Variants in KIF14 observed in about 807,000 individuals in gnomAD.
The protein encoded by KIF14 is kinesin-like protein KIF14.
KIF14 carries 98 observed loss-of-function variants against 176.2 expected under a neutral mutation model. The observed-to-expected ratio is 0.56, with a 90% CI of 0.47 to 0.66. KIF14 has a LOEUF of 0.66. KIF14 is among the 30% of genes least tolerant of loss of function. The pLI, the probability that KIF14 is intolerant of heterozygous loss-of-function variation, is 0.00. For missense variants in KIF14, 1,751 were observed against 1,920.4 expected, an observed-to-expected ratio of 0.91 and a Z score of 1.65; for synonymous variants, 566 against 632.2, an observed-to-expected ratio of 0.90 and a Z score of 1.57.
chr1:200,588,420 T>C (rs1658873327), intron 18 of KIF14, among the ~76,000 whole-genome samples: 1 of 152,096 alleles, frequency 6.6e-6, no homozygotes, highest in Admixed American at 6.5e-5. Context: ...TTTGTATTTT[T>C]AGTAGAGACA....
rs565409083 is a variant in KIF14, at chr1:200,604,226, C to G, written c.1747-271G>C. Among the ~76,000 whole-genome samples, 8 of 152,240 alleles carry G rather than the reference C, an allele frequency of 5.3e-5. No homozygotes were observed. In the East Asian group the frequency reaches 1.5e-3, roughly 29 times the overall value. On this transcript the variant is annotated intron_variant, in intron 8 of 29. Transcript: ENST00000367350. The stretch of plus-strand genomic sequence containing the variant: ...GGACTACAAGCACATGCTGCTACAC[C>G]TGCTACTTTTTTTTATTTTTTAGTA...
At chr1:200,609,280 C>G (rs145022888) in intron 4 of KIF14, among the ~76,000 whole-genome samples, 167 of 152,294 alleles carry the variant, frequency 1.1e-3, no homozygotes, top group African/African-American at 4.0e-3. Context: ...AACTGGAACC[C>G]TCCTCCATTG....
intron 14 of KIF14, among the ~76,000 whole-genome samples, chr1:200,596,854 G>A (rs947905384): frequency 1.4e-5 from 2 of 145,136 alleles, no homozygotes; most frequent in African/African-American, 2.6e-5. Flanking sequence ...GTGAGCCACC[G>A]CACCTGGCCA....
At position 200,593,703 on chromosome 1, in the gene KIF14, A is replaced by G. The variant is rs1426484103; in HGVS notation, c.2616T>C (p.Asn872=). ...IPVGEAKTYV[N]GKHILEITVL... Reference sequence around the variant, plus strand: ...CTGTGATTTCCAAAATATGTTTTCCATTTACATATGTCTTTGCTTCCCCAA... The same window carrying G: ...CTGTGATTTCCAAAATATGTTTTCCGTTTACATATGTCTTTGCTTCCCCAA... Residue 872 remains asparagine, a synonymous_variant, in exon 15 of 30, where the codon AAT becomes AAC. Coordinates refer to ENST00000367350, the MANE Select transcript of KIF14 (RefSeq NM_014875.3). 6.2e-7 allele frequency: 1 copy of G among 1,612,592 alleles called. No individual in the cohort carries two copies. Among genetic ancestry groups the G allele is most frequent in the East Asian group, 2.2e-5 (1 of 44,776 alleles).
chr1:200,619,588 T>C (rs941414648), intron 1 of KIF14, among the ~76,000 whole-genome samples: 7 of 152,190 alleles, frequency 4.6e-5, no homozygotes, highest in African/African-American at 1.7e-4. Context: ...CTTGACCTTG[T>C]GATCCGCCCG....
At chr1:200,607,021 T>C (rs769845475) in intron 5 of KIF14, among the ~76,000 whole-genome samples, 3 of 145,272 alleles carry the variant, frequency 2.1e-5, no homozygotes, top group Non-Finnish European at 3.0e-5. Context: ...TGCAACAATA[T>C]ATTGTAGCAT....
At chr1:200,567,886 G>A (rs1404528269) in intron 23 of KIF14, among the ~76,000 whole-genome samples, 1 of 150,928 alleles carries the variant, frequency 6.6e-6, no homozygotes, top group Non-Finnish European at 1.5e-5. Flanking sequence ...CTACAGTAGG[G>A]TAACGATGAC....
chr1:200,611,287 A>T (rs936490394), intron 4 of KIF14, among the ~76,000 whole-genome samples: 4 of 152,114 alleles, frequency 2.6e-5, no homozygotes, highest in African/African-American at 9.7e-5. Context: ...GGTACAAAGC[A>T]CTCTTCTAGG....
In KIF14 at chr1:200,618,548, T is replaced by C. The variant is rs554964496; in HGVS notation, c.176A>G (p.Lys59Arg). Residue 59 changes from lysine to arginine, a missense_variant, in exon 2 of 30, where the codon AAA (lysine) becomes AGA (arginine). Physicochemically the swap from Lys to Arg is conservative, Grantham distance 26. Coordinates refer to ENST00000367350, the MANE Select transcript of KIF14 (RefSeq NM_014875.3). ...NDDPLLRSAG[K>R]VRDINRTYVI... is the part of the protein sequence containing the mutation. ...ATAAGTTCTATTTATGTCTCTGACT[T>C]TACCTGCAGATCTCAATAATGGATC... The C allele has an allele frequency of 6.2e-7, 1 of 1,614,192 alleles. No homozygotes were observed. Among genetic ancestry groups the C allele is most frequent in the South Asian group, 1.1e-5 (1 of 91,082 alleles).
intron 25 of KIF14, among the ~76,000 whole-genome samples, chr1:200,561,934 TG>T (rs1367992803): frequency 6.6e-6 from 1 of 152,010 alleles, no homozygotes; most frequent in African/African-American, 2.4e-5. Flanking sequence ...GCAAAAGGGA[TG>T]GAAAAAACCC....
intron 3 of KIF14, among the ~76,000 whole-genome samples, chr1:200,614,646 T>A (rs1192927822): frequency 1.3e-5 from 2 of 152,020 alleles, no homozygotes; most frequent in Non-Finnish European, 2.9e-5. Flanking sequence ...TTCAGAGAAT[T>A]GTTGTGAAAG....
Position 200,592,178 on chromosome 1 carries a change from C to G in KIF14, c.2715G>C (p.Gln905His). 1 of 1,613,724 alleles carries G rather than the reference C, an allele frequency of 6.2e-7. No homozygotes were observed. Among genetic ancestry groups the G allele is most frequent in the Non-Finnish European group, 8.5e-7 (1 of 1,179,816 alleles). The change falls in exon 16 of 30, where the codon CAG becomes CAC. Residue 905 changes from glutamine to histidine, a missense_variant. Coordinates refer to ENST00000367350, the MANE Select transcript of KIF14 (RefSeq NM_014875.3). ...YFRFNHPVEV[Q>H]KGKRPSGRDT... ...CTCTTCCAGATGGCCTTTTTCCTTT[C>G]TGGACTTCTACTGGATGATTAAATC...
chr1:200,554,489 T>C lies in KIF14; in HGVS notation c.4546A>G (p.Ile1516Val), dbSNP rs1475552520. The change falls in exon 29 of 30, where the codon ATT (isoleucine) becomes GTT (valine). Residue 1516 changes from isoleucine to valine, a missense_variant. Ile to Val is a conservative substitution (Grantham distance 29, BLOSUM62 3). Coordinates refer to ENST00000367350, the MANE Select transcript of KIF14 (RefSeq NM_014875.3). ...ATACCTTTCAGTGCAGAAATAATAA[T>C]TTCAATAGCTTTCTCTAAGCAATGT... ...LKHCLEKAIE[I>V]IISALKGCHS... 1.3e-6 allele frequency: 2 copies of C among 1,533,248 alleles called. No homozygotes were observed. The highest frequency in any genetic ancestry group is 2.3e-5 in the South Asian group (2 of 86,648). 95.0% of individuals were successfully genotyped at this position (1,533,248 alleles called of 1,614,324 possible). A position where few individuals can be genotyped will look rare whatever the true frequency, so the allele number is the denominator to read the frequency against.
At chr1:200,586,285 T>C in intron 18 of KIF14, 58 bp from the exon 19 acceptor site, 14 of 1,394,934 alleles carry the variant, frequency 1.0e-5, no homozygotes, top group Non-Finnish European at 1.1e-5. Context: ...AGAGAAACTA[T>C]AACACCACAT....
intron 14 of KIF14, 124 bp downstream of exon 14, chr1:200,598,112 TA>T: frequency 1.3e-6 from 1 of 786,778 alleles, no homozygotes; most frequent in Non-Finnish European, 2.0e-6. Flanking sequence ...TTTTCCTGAC[TA>T]AACAATGGGT....
At chr1:200,577,816 G>T (rs141154707) in intron 21 of KIF14, among the ~76,000 whole-genome samples, 1 of 151,924 alleles carries the variant, frequency 6.6e-6, no homozygotes, top group East Asian at 1.9e-4. Flanking sequence ...TCTAGCATAA[G>T]ATAAACTGTG....
At position 200,559,462 on chromosome 1, in the gene KIF14, G is replaced by T. The variant is rs1657011601; in HGVS notation, c.4231-10C>A. The T allele has an allele frequency of 6.9e-7, 1 of 1,453,988 alleles. No homozygotes were observed. Among genetic ancestry groups the T allele is most frequent in the Non-Finnish European group, 9.1e-7 (1 of 1,098,460 alleles). 90.1% of individuals were successfully genotyped at this position (1,453,988 alleles called of 1,614,324 possible). ...CATCCATGAATTCCTCCTAGAAAAA[G>T]AATTTAAGCATTAACTAGAAAATTT... On this transcript the variant is annotated splice_polypyrimidine_tract_variant and intron_variant, in intron 26 of 29. Coordinates refer to ENST00000367350, the MANE Select transcript of KIF14 (RefSeq NM_014875.3).
chr1:200,579,766 T>C (rs1301639961), intron 21 of KIF14, among the ~76,000 whole-genome samples: 1 of 152,218 alleles, frequency 6.6e-6, no homozygotes, highest in Non-Finnish European at 1.5e-5. Context: ...CAAAATAAGA[T>C]ATTAAAAACT....
intron 21 of KIF14, among the ~76,000 whole-genome samples, chr1:200,579,524 G>A (rs145426743): frequency 2.4e-4 from 37 of 152,034 alleles, no homozygotes; most frequent in African/African-American, 8.2e-4. Context: ...CAAGAGAATC[G>A]CTTGAACCCG....
Sources: gnomAD v4.1 joint callset for allele counts (sites outside exome capture counted in the v4.1 genomes callset) on GRCh38, gnomAD v4.1.1 for gene constraint, MANE v1.5 for transcripts, NCBI Gene and HGNC (gene_info 2026-07-23, HGNC 2026-07-21) for gene names.